The following SCAPER variants were observed in gnomAD, a reference collection of about 807,000 sequenced individuals.
SCAPER encodes S phase cyclin A-associated protein in the endoplasmic reticulum.
In SCAPER, 98 loss-of-function variants were observed where a neutral mutation model predicts 182.2. That is an observed-to-expected ratio of 0.54 (90% CI 0.46 to 0.64). SCAPER has a LOEUF of 0.64. Among genes scored for constraint, SCAPER ranks in the 30% least tolerant of loss-of-function variants. The probability of loss-of-function intolerance (pLI) is 0.00; values close to 1 mark genes in which losing one functional copy is unlikely to be tolerated. For missense variants in SCAPER, 1,432 were observed against 1,690.0 expected (o/e 0.85, Z 2.68); for synonymous variants, 605 against 564.6 (o/e 1.07, Z -1.01).
At chr15:76,679,655 ACAGACAC>A (rs533544113) in intron 20 of SCAPER, among the ~76,000 whole-genome samples, 4 of 152,346 alleles carry the variant, frequency 2.6e-5, no homozygotes, top group African/African-American at 4.8e-5. Flanking sequence ...ATACTGTGAA[ACAGACAC>A]CATGCAAAAG....
At chr15:76,687,073 A>C (rs1276498191) in intron 20 of SCAPER, among the ~76,000 whole-genome samples, 1 of 152,182 alleles carries the variant, frequency 6.6e-6, no homozygotes, top group Admixed American at 6.5e-5. Flanking sequence ...AAAAGTTATG[A>C]CTGTGATGAT....
At chr15:76,495,621 A>G (rs890942337) in intron 24 of SCAPER, among the ~76,000 whole-genome samples, 23 of 151,110 alleles carry the variant, frequency 1.5e-4, no homozygotes, top group Admixed American at 1.5e-3. Context: ...AGACGATGCA[A>G]TGCTCTGAAA....
At chr15:76,526,346 C>T (rs2043194369) in intron 23 of SCAPER, among the ~76,000 whole-genome samples, 2 of 152,128 alleles carry the variant, frequency 1.3e-5, no homozygotes, top group Admixed American at 6.5e-5. Context: ...ATGAAGTTTG[C>T]TACCAGTCTA....
intron 21 of SCAPER, among the ~76,000 whole-genome samples, chr15:76,647,393 T>C (rs2054634405): frequency 6.6e-6 from 1 of 152,220 alleles, no homozygotes; most frequent in Admixed American, 6.5e-5. Flanking sequence ...TTTTTTTTCA[T>C]GTATGGACAA....
At chr15:76,696,736 A>C (rs745633802) in intron 20 of SCAPER, among the ~76,000 whole-genome samples, 48 of 152,336 alleles carry the variant, frequency 3.2e-4, no homozygotes, top group Middle Eastern at 6.8e-3. Context: ...TCATTGATTT[A>C]TTTAGCAATG....
intron 22 of SCAPER, among the ~76,000 whole-genome samples, chr15:76,616,755 A>G (rs2051530237): frequency 6.6e-6 from 1 of 152,132 alleles, no homozygotes; most frequent in Non-Finnish European, 1.5e-5. Context: ...TATAGTTTTT[A>G]GGAAGATGTA....
chr15:76,894,512 A>T (rs760448431), intron 1 of SCAPER, among the ~76,000 whole-genome samples: 1 of 152,188 alleles, frequency 6.6e-6, no homozygotes, highest in Admixed American at 6.5e-5. Context: ...TAAAAAAAGA[A>T]CAAACTAAAT....
chr15:76,677,670 T>C lies in SCAPER; in HGVS notation c.2509-11881A>G, dbSNP rs149393610. 9.6e-4 allele frequency among the ~76,000 whole-genome samples: 146 copies of C among 151,318 alleles called. 1 individual carries two copies. Among genetic ancestry groups the C allele is most frequent in the African/African-American group, 3.5e-3 (143 of 41,242 alleles). On this transcript the variant is annotated intron_variant, in intron 20 of 31. Coordinates refer to ENST00000563290, the MANE Select transcript of SCAPER (RefSeq NM_020843.4). ...ATGTACATAAAGAAACTAATACGTA[T>C]GCAGACATGATCTCATCAAAGTTTA...
chr15:76,578,204 G>A (rs1418781252), intron 22 of SCAPER, among the ~76,000 whole-genome samples: 1 of 152,082 alleles, frequency 6.6e-6, no homozygotes, highest in African/African-American at 2.4e-5. Context: ...GCACCAGGTT[G>A]ATTCCTAAGG....
chr15:76,655,379 A>G (rs1343793169), intron 21 of SCAPER, among the ~76,000 whole-genome samples: 1 of 152,222 alleles, frequency 6.6e-6, no homozygotes, highest in Non-Finnish European at 1.5e-5. Context: ...ACCTCTGAGA[A>G]ATATGGGATT....
At chr15:76,535,308 G>A (rs1309493545) in intron 23 of SCAPER, among the ~76,000 whole-genome samples, 2 of 151,872 alleles carry the variant, frequency 1.3e-5, no homozygotes, top group Non-Finnish European at 2.9e-5. Context: ...CGGATCACAA[G>A]GTCAGGAGAT....
At chr15:76,495,600 A>AAAAG (rs1555456275) in intron 24 of SCAPER, among the ~76,000 whole-genome samples, 1 of 149,906 alleles carries the variant, frequency 6.7e-6, no homozygotes. Flanking sequence ...AAAAAAAAAA[A>AAAAG]AGAGAGAGAG....
chr15:76,792,649 T>C (rs1333706716), intron 8 of SCAPER, among the ~76,000 whole-genome samples: 2 of 152,222 alleles, frequency 1.3e-5, no homozygotes, highest in Non-Finnish European at 2.9e-5. Context: ...CCAGGAAATA[T>C]CACTGAATAA....
intron 21 of SCAPER, among the ~76,000 whole-genome samples, chr15:76,623,256 C>T (rs1468575964): frequency 6.6e-6 from 1 of 152,098 alleles, no homozygotes; most frequent in Non-Finnish European, 1.5e-5. Context: ...TAATTAGGTC[C>T]CACTTGTCAG....
chr15:76,456,865 T>A (rs2048775103), intron 25 of SCAPER, among the ~76,000 whole-genome samples: 1 of 152,238 alleles, frequency 6.6e-6, no homozygotes, highest in Non-Finnish European at 1.5e-5. Context: ...TGCATACTAA[T>A]ACAGTGATAT....
chr15:76,696,046 A>G (rs1030653039), intron 20 of SCAPER, among the ~76,000 whole-genome samples: 55 of 152,234 alleles, frequency 3.6e-4, no homozygotes, highest in Admixed American at 1.8e-3. Flanking sequence ...TCCTGTTGAA[A>G]GGCAAATAAG....
chr15:76,865,232 C>G lies in SCAPER; in HGVS notation c.7-2699G>C, dbSNP rs553136151. On this transcript the variant is annotated intron_variant, in intron 2 of 31. Transcript: ENST00000563290. ...AAGAAAACCACACTTAAGCATATCA[C>G]AGAAAAACTGATGATAAACTGAAAC... is the stretch of plus-strand genomic sequence containing the variant. 2.0e-5 allele frequency among the ~76,000 whole-genome samples: 3 copies of G among 152,008 alleles called. No individual in the cohort carries two copies. The East Asian group carries it at 5.8e-4, about 29-fold the overall frequency.
At chr15:76,652,274 ATATATATATATATATATATAT>A (rs2055152879) in intron 21 of SCAPER, among the ~76,000 whole-genome samples, 1 of 10,640 alleles carries the variant, frequency 9.4e-5, no homozygotes, top group Non-Finnish European at 1.6e-4. Context: ...AAAAAAAAAA[ATATATATATATATATATATAT>A]ATATATATAT....
At chr15:76,686,424 G>T (rs1195580589) in intron 20 of SCAPER, among the ~76,000 whole-genome samples, 1 of 152,094 alleles carries the variant, frequency 6.6e-6, no homozygotes, top group African/African-American at 2.4e-5. Flanking sequence ...GAGTTGTGGA[G>T]AATGTAAATC....
Sources: gnomAD v4.1 joint callset for allele counts (sites outside exome capture counted in the v4.1 genomes callset) on GRCh38, gnomAD v4.1.1 for gene constraint, MANE v1.5 for transcripts, NCBI Gene and HGNC (gene_info 2026-07-23, HGNC 2026-07-21) for gene names.